ARMC2: variants seen among roughly 807,000 people sequenced by gnomAD.
ARMC2 encodes armadillo repeat containing 2.
ARMC2 carries 67 observed loss-of-function variants against 90.3 expected under a neutral mutation model. The observed-to-expected ratio is 0.74, with a 90% CI of 0.61 to 0.91. ARMC2 has a LOEUF of 0.91. Ranked by LOEUF, ARMC2 falls within the 40% of genes least tolerant of loss-of-function variation. ARMC2 has a pLI of 0.00. For missense variants in ARMC2, 920 were observed against 1,030.9 expected (o/e 0.89, Z 1.47); for synonymous variants, 393 against 393.0 (o/e 1.00, Z 0.00).
chr6:108,982,256 A>G, the ARMC2 span, among the ~76,000 whole-genome samples: 3 of 152,186 alleles, frequency 2.0e-5, no homozygotes, highest in Non-Finnish European at 4.4e-5. Context: ...AGGAAGTCCA[A>G]AGTCAAGGTG....
At chr6:109,002,271 A>G in the ARMC2 span, 1 of 1,612,392 alleles carries the variant, frequency 6.2e-7, no homozygotes, top group Non-Finnish European at 8.5e-7. Context: ...TTTCACAAAC[A>G]ACGTACCTCC....
chr6:108,849,401 A>G (rs2806359), intron 1 of ARMC2, among the ~76,000 whole-genome samples: 44,053 of 152,034 alleles, frequency 0.29, 7,139 homozygotes, highest in African/African-American at 0.44. Context: ...ACCACCACCC[A>G]CCTTTTAAAA....
chr6:108,990,447 CCTG>C, the ARMC2 span, among the ~76,000 whole-genome samples: 1 of 152,332 alleles, frequency 6.6e-6, no homozygotes, highest in Admixed American at 6.5e-5. Flanking sequence ...AACTCTCCCT[CCTG>C]CCTAGCTAGG....
chr6:109,046,881 G>C, the ARMC2 span, among the ~76,000 whole-genome samples: 1 of 125,774 alleles, frequency 8.0e-6, no homozygotes, highest in Non-Finnish European at 1.7e-5. Context: ...GAGCCCCTCC[G>C]TCCGGCAGCT....
intron 6 of ARMC2, among the ~76,000 whole-genome samples, chr6:108,895,295 T>G (rs1771485556): frequency 6.7e-6 from 1 of 149,410 alleles, no homozygotes; most frequent in African/African-American, 2.5e-5. Context: ...AAACCCCATC[T>G]CTACCAAAAA....
chr6:108,967,586 G>T (rs912056370), intron 17 of ARMC2, among the ~76,000 whole-genome samples: 1 of 152,204 alleles, frequency 6.6e-6, no homozygotes, highest in Non-Finnish European at 1.5e-5. Context: ...GATATAAAAT[G>T]ACATAGAATT....
At chr6:109,049,380 G>T in the ARMC2 span, among the ~76,000 whole-genome samples, 1 of 151,908 alleles carries the variant, frequency 6.6e-6, no homozygotes, top group Admixed American at 6.6e-5. Flanking sequence ...AAGCTGGGAA[G>T]AGTAGGGGGA....
chr6:108,916,796 A>G (rs1376189589), intron 10 of ARMC2, among the ~76,000 whole-genome samples: 1 of 152,182 alleles, frequency 6.6e-6, no homozygotes, highest in Non-Finnish European at 1.5e-5. Flanking sequence ...CAGGAGCTGA[A>G]GGAAACTCCT....
At position 108,971,696 on chromosome 6, in the gene ARMC2, C is replaced by T. The variant is rs374337810; in HGVS notation, c.2447-1661C>T. Among the ~76,000 whole-genome samples the T allele has an allele frequency of 3.3e-5, 5 of 151,944 alleles. No homozygotes were observed. In the South Asian group the frequency reaches 6.2e-4, roughly 19 times the overall value. On this transcript the variant is annotated intron_variant, in intron 17 of 17. Transcript: ENST00000392644. ...TAGCACTTTGGGAGGCCAAGGCAGG[C>T]GGATCACTTGAGGTCAGGAGTTGGA...
chr6:108,917,302 C>G (rs1026764778), intron 10 of ARMC2, among the ~76,000 whole-genome samples: 1 of 152,094 alleles, frequency 6.6e-6, no homozygotes. Flanking sequence ...TAGCAGCTCC[C>G]GCAAATCCAG....
chr6:108,989,319 C>T, the ARMC2 span, among the ~76,000 whole-genome samples: 1 of 152,054 alleles, frequency 6.6e-6, no homozygotes, highest in East Asian at 1.9e-4. Flanking sequence ...ATTCTGAAAA[C>T]AGATTTTGAG....
At chr6:108,889,572 C>T (rs1770737851) in intron 5 of ARMC2, among the ~76,000 whole-genome samples, 2 of 151,902 alleles carry the variant, frequency 1.3e-5, no homozygotes. Context: ...TCCAAAGTGG[C>T]CGGGACTACA....
At chr6:108,909,200 C>A (rs1773131454) in intron 8 of ARMC2, among the ~76,000 whole-genome samples, 1 of 152,094 alleles carries the variant, frequency 6.6e-6, no homozygotes, top group Non-Finnish European at 1.5e-5. Flanking sequence ...CATTTTTACA[C>A]CTTTGTAATG....
chr6:109,013,278 G>C, the ARMC2 span, among the ~76,000 whole-genome samples: 9 of 152,158 alleles, frequency 5.9e-5, no homozygotes, highest in Non-Finnish European at 8.8e-5. Flanking sequence ...TAGGGGCAAG[G>C]AGATGAGTTA....
chr6:108,938,502 C>A (rs1776148765), intron 12 of ARMC2, among the ~76,000 whole-genome samples: 1 of 144,440 alleles, frequency 6.9e-6, no homozygotes, highest in Non-Finnish European at 1.5e-5. Flanking sequence ...CAAAAGAATT[C>A]TTTTACATGT....
At chr6:108,933,491 T>C (rs964665526) in intron 11 of ARMC2, among the ~76,000 whole-genome samples, 3 of 152,186 alleles carry the variant, frequency 2.0e-5, no homozygotes, top group African/African-American at 4.8e-5. Flanking sequence ...TTTCTAGATG[T>C]AGAATCATCT....
In ARMC2 at chr6:108,858,278, A is replaced by G; in HGVS notation, c.291+7A>G. The G allele has an allele frequency of 2.5e-6, 4 of 1,590,570 alleles. No homozygotes were observed. Among genetic ancestry groups the G allele is most frequent in the Non-Finnish European group, 3.4e-6 (4 of 1,161,756 alleles). ...TCTTAGTCCACTAGAGCTGGTGAGT[A>G]CTTTGTATAACCACCAGTAATTTAT... On this transcript the variant is annotated splice_region_variant and intron_variant, in intron 3 of 17. Transcript: ENST00000392644.
chr6:108,856,297 T>A (rs1774600404), intron 2 of ARMC2: 1 of 152,284 alleles, frequency 6.6e-6, no homozygotes, highest in Non-Finnish European at 1.5e-5. Flanking sequence ...AGATGTCCAG[T>A]TGTCCCAGCA....
the ARMC2 span, among the ~76,000 whole-genome samples, chr6:109,025,073 C>T: frequency 7.9e-5 from 12 of 152,074 alleles, no homozygotes; most frequent in African/African-American, 2.9e-4. Context: ...AAGGCAAATC[C>T]TAGGACTTGG....
Sources: gnomAD v4.1 joint callset for allele counts (sites outside exome capture counted in the v4.1 genomes callset) on GRCh38, gnomAD v4.1.1 for gene constraint, MANE v1.5 for transcripts, NCBI Gene and HGNC (gene_info 2026-07-23, HGNC 2026-07-21) for gene names.